LPAR3: variants seen among roughly 807,000 people sequenced by gnomAD.
LPAR3 encodes lysophosphatidic acid receptor 3.
LPAR3 carries 7 observed loss-of-function variants against 17.8 expected under a neutral mutation model. That is an observed-to-expected ratio of 0.39 (90% CI 0.22 to 0.74). The LOEUF (loss-of-function observed/expected upper bound fraction) is 0.74. Ranked by LOEUF, LPAR3 falls within the 30% of genes least tolerant of loss-of-function variation. The pLI, the probability that LPAR3 is intolerant of heterozygous loss-of-function variation, is 0.40. For missense variants in LPAR3, 391 were observed against 453.4 expected, an observed-to-expected ratio of 0.86 and a Z score of 1.25; for synonymous variants, 179 against 179.9, an observed-to-expected ratio of 0.99 and a Z score of 0.04.
intron 2 of LPAR3, among the ~76,000 whole-genome samples, chr1:84,815,394 G>A (rs72717001): frequency 0.03 from 4,534 of 152,272 alleles, 91 homozygotes; most frequent in South Asian, 0.066. Context: ...TGAAGGCCAC[G>A]CACTCAGGGA....
chr1:84,831,401 A>C (rs1203698027), intron 2 of LPAR3, among the ~76,000 whole-genome samples: 1 of 152,138 alleles, frequency 6.6e-6, no homozygotes, highest in African/African-American at 2.4e-5. Context: ...AGCTGTAAGG[A>C]GCTATGATTG....
intron 1 of LPAR3, among the ~76,000 whole-genome samples, chr1:84,889,928 T>C (rs1454076280): frequency 6.6e-6 from 1 of 152,212 alleles, no homozygotes; most frequent in African/African-American, 2.4e-5. Context: ...ATCCCCACTA[T>C]ATAAATGAAA....
Position 84,854,171 on chromosome 1 carries a change from T to C in LPAR3, c.736+11214A>G, listed in dbSNP as rs552516169. Among the ~76,000 whole-genome samples, 12 of 152,292 alleles carry C rather than the reference T, an allele frequency of 7.9e-5. No individual in the cohort carries two copies. In the East Asian group the frequency reaches 2.3e-3, roughly 29 times the overall value. ...TCAAACTCCTTATTCCAGAAATCAG[T>C]CTGCCCAGTCTCCCCTTTCTACCCA... is the stretch of plus-strand genomic sequence containing the variant. On this transcript the variant is annotated intron_variant, in intron 2 of 2. Transcript: ENST00000370611.
chr1:84,838,930 A>G (rs932973281), intron 2 of LPAR3, among the ~76,000 whole-genome samples: 10 of 152,148 alleles, frequency 6.6e-5, no homozygotes, highest in African/African-American at 2.4e-4. Flanking sequence ...TTGTCCCTGC[A>G]GCTACCTTTG....
At chr1:84,850,025 C>A (rs1165467006) in intron 2 of LPAR3, among the ~76,000 whole-genome samples, 1 of 152,162 alleles carries the variant, frequency 6.6e-6, no homozygotes, top group African/African-American at 2.4e-5. Context: ...CTGTCACGTT[C>A]TTGAAATCTT....
chr1:84,849,110 C>T (rs1156379766), intron 2 of LPAR3, among the ~76,000 whole-genome samples: 1 of 152,130 alleles, frequency 6.6e-6, no homozygotes, highest in Admixed American at 6.5e-5. Context: ...GGCACAGTGG[C>T]TCACGCCTAT....
chr1:84,833,098 G>C (rs1428414970), intron 2 of LPAR3, among the ~76,000 whole-genome samples: 2 of 152,106 alleles, frequency 1.3e-5, no homozygotes, highest in Non-Finnish European at 2.9e-5. Flanking sequence ...CAGGATACAG[G>C]AGAAATCAAA....
At chr1:84,850,100 G>A (rs897842739) in intron 2 of LPAR3, among the ~76,000 whole-genome samples, 12 of 152,170 alleles carry the variant, frequency 7.9e-5, no homozygotes, top group Non-Finnish European at 1.3e-4. Context: ...ATGAGCAGAG[G>A]AGACAGGCGG....
chr1:84,872,439 A>G (rs1484638369), intron 1 of LPAR3, among the ~76,000 whole-genome samples: 3 of 152,176 alleles, frequency 2.0e-5, no homozygotes, highest in Admixed American at 6.5e-5. Context: ...CTCACAATAG[A>G]GACCTCTCTC....
At chr1:84,837,583 C>T (rs1425505751) in intron 2 of LPAR3, among the ~76,000 whole-genome samples, 1 of 152,170 alleles carries the variant, frequency 6.6e-6, no homozygotes, top group Non-Finnish European at 1.5e-5. Context: ...CATGGAAATA[C>T]AGTGCATTAG....
Position 84,814,037 on chromosome 1 carries a change from T to C in LPAR3, c.871A>G (p.Ile291Val). 2 of 1,614,156 alleles carry C rather than the reference T, an allele frequency of 1.2e-6. No homozygotes were observed. The highest frequency in any genetic ancestry group is 1.7e-6 in the Non-Finnish European group (2 of 1,180,020). The change falls in exon 3 of 3, where the codon ATC (isoleucine) becomes GTC (valine). Residue 291 changes from isoleucine to valine, a missense_variant. Ile to Val is a conservative substitution (Grantham distance 29, BLOSUM62 3). Coordinates refer to ENST00000370611, the MANE Select transcript of LPAR3 (RefSeq NM_012152.3). ...LALLNSVVNP[I>V]IYSYKDEDMY... ...TCCTCGTCCTTGTAGGAGTAGATGA[T>C]GGGGTTCACGACGGAGTTGAGCAGC...
intron 1 of LPAR3, among the ~76,000 whole-genome samples, chr1:84,889,591 A>G (rs1306481980): frequency 8.5e-5 from 13 of 152,146 alleles, no homozygotes; most frequent in Non-Finnish European, 4.4e-5. Flanking sequence ...CTGAAATTTA[A>G]CTTCCTCTCA....
chr1:84,863,129 G>C lies in LPAR3; in HGVS notation c.736+2256C>G, dbSNP rs1028174254. 2.0e-5 allele frequency among the ~76,000 whole-genome samples: 3 copies of C among 151,268 alleles called. No individual in the cohort carries two copies. In the South Asian group the frequency reaches 6.3e-4, roughly 32 times the overall value. On this transcript the variant is annotated intron_variant, in intron 2 of 2. Transcript: ENST00000370611. Reference sequence around the variant, plus strand: ...CTTACTCTGTTGTTCAGGCTGGAGTGCCGTGGTGTGATCACAGCTCACTCA... The same window carrying C: ...CTTACTCTGTTGTTCAGGCTGGAGTCCCGTGGTGTGATCACAGCTCACTCA...
chr1:84,866,255 A>G (rs919793472), intron 1 of LPAR3, 117 bp from the exon 2 acceptor site: 5 of 732,610 alleles, frequency 6.8e-6, no homozygotes, highest in Non-Finnish European at 1.1e-5. Context: ...GAAGACCTGA[A>G]GTGTCAGGTC....
At chr1:84,890,513 T>C (rs1407131029) in intron 1 of LPAR3, among the ~76,000 whole-genome samples, 1 of 152,134 alleles carries the variant, frequency 6.6e-6, no homozygotes, top group Non-Finnish European at 1.5e-5. Flanking sequence ...AATTAAGACT[T>C]AGAGAGGTGA....
intron 2 of LPAR3, among the ~76,000 whole-genome samples, chr1:84,828,794 T>G (rs536323543): frequency 3.8e-4 from 58 of 152,360 alleles, no homozygotes; most frequent in African/African-American, 1.4e-3. Context: ...CTATTTGTGA[T>G]AGCAACCTCT....
At chr1:84,847,535 T>A (rs1266464993) in intron 2 of LPAR3, among the ~76,000 whole-genome samples, 3 of 152,150 alleles carry the variant, frequency 2.0e-5, no homozygotes, top group African/African-American at 7.2e-5. Context: ...TTGGAGTCCA[T>A]CAACAAGCCC....
At chr1:84,866,163 C>G (rs956699014) in intron 1 of LPAR3, 25 bp from the exon 2 acceptor site, 2 of 1,503,930 alleles carry the variant, frequency 1.3e-6, no homozygotes, top group African/African-American at 2.8e-5. Flanking sequence ...AAAGAAGAAA[C>G]AAATATCATT....
chr1:84,837,264 A>G (rs1315955238), intron 2 of LPAR3, among the ~76,000 whole-genome samples: 1 of 151,978 alleles, frequency 6.6e-6, no homozygotes, highest in East Asian at 1.9e-4. Context: ...CTTGTGATCC[A>G]CTCACCTCAG....
Sources: gnomAD v4.1 joint callset for allele counts (sites outside exome capture counted in the v4.1 genomes callset) on GRCh38, gnomAD v4.1.1 for gene constraint, MANE v1.5 for transcripts, NCBI Gene and HGNC (gene_info 2026-07-23, HGNC 2026-07-21) for gene names.